ARL15: variants seen among roughly 807,000 people sequenced by gnomAD.
The protein encoded by ARL15 is ADP-ribosylation factor-like protein 15.
ARL15 carries 19 observed loss-of-function variants against 25.2 expected under a neutral mutation model. The observed-to-expected ratio is 0.75, with a 90% CI of 0.53 to 1.10. The LOEUF (loss-of-function observed/expected upper bound fraction) is 1.10, where lower values mean the gene tolerates loss of function less well. ARL15 is among the 50% of genes least tolerant of loss of function. The pLI is 0.00. For missense variants in ARL15, 220 were observed against 246.0 expected (o/e 0.89, Z 0.71); for synonymous variants, 94 against 86.8 (o/e 1.08, Z -0.46).
chr5:54,003,726 G>A (rs904096594), intron 4 of ARL15, among the ~76,000 whole-genome samples: 4 of 150,188 alleles, frequency 2.7e-5, no homozygotes, highest in Non-Finnish European at 4.4e-5. Context: ...CTCTACTTTG[G>A]CCTGGAATTA....
At chr5:53,920,743 T>C (rs1745828141) in intron 4 of ARL15, among the ~76,000 whole-genome samples, 3 of 152,300 alleles carry the variant, frequency 2.0e-5, no homozygotes, top group Middle Eastern at 6.8e-3. Flanking sequence ...CTTAGATAGC[T>C]AGTGCATAGC....
chr5:54,052,095 C>G (rs10074251), intron 4 of ARL15, among the ~76,000 whole-genome samples: 7 of 151,934 alleles, frequency 4.6e-5, no homozygotes, highest in Non-Finnish European at 8.8e-5. Context: ...AAAAATATAG[C>G]AGTCAAGGTC....
intron 1 of ARL15, among the ~76,000 whole-genome samples, chr5:54,244,870 G>A (rs1398303970): frequency 1.3e-5 from 2 of 151,372 alleles, no homozygotes; most frequent in Non-Finnish European, 2.9e-5. Flanking sequence ...GGTGTTTTCA[G>A]CATTTTTAAA....
chr5:54,134,928 T>G (rs147118600), intron 3 of ARL15, among the ~76,000 whole-genome samples: 392 of 152,256 alleles, frequency 2.6e-3, no homozygotes, highest in African/African-American at 8.8e-3. Context: ...GCAGGGAGCC[T>G]GAGATTAGCA....
intron 1 of ARL15, among the ~76,000 whole-genome samples, chr5:54,260,645 A>G (rs1408028926): frequency 6.6e-6 from 1 of 152,176 alleles, no homozygotes; most frequent in African/African-American, 2.4e-5. Context: ...ATTTGAAAAA[A>G]TTCTTTATAT....
chr5:54,231,661 A>G (rs980480914), intron 1 of ARL15, among the ~76,000 whole-genome samples: 1 of 152,134 alleles, frequency 6.6e-6, no homozygotes, highest in Non-Finnish European at 1.5e-5. Context: ...TGCAGGTCGG[A>G]AAGTCCAAGA....
intron 1 of ARL15, chr5:54,282,399 CTT>C (rs1758080761): frequency 1.0e-5 from 10 of 985,266 alleles, no homozygotes; most frequent in South Asian, 4.7e-5. Context: ...TCCCCTTGCT[CTT>C]GTTTCCCTCT....
intron 4 of ARL15, among the ~76,000 whole-genome samples, chr5:54,099,759 T>A (rs762065567): frequency 3.9e-5 from 6 of 152,088 alleles, no homozygotes; most frequent in Non-Finnish European, 7.4e-5. Context: ...TGAGTAAGAC[T>A]CTCTATGTGC....
At chr5:54,154,422 T>TAC in intron 3 of ARL15, 158 bp downstream of exon 3, 1 of 569,888 alleles carries the variant, frequency 1.8e-6, no homozygotes, top group Non-Finnish European at 3.0e-6. Flanking sequence ...TTTTAAAACA[T>TAC]ACGAAGAGAA....
At chr5:54,252,899 A>G (rs144490157) in intron 1 of ARL15, among the ~76,000 whole-genome samples, 392 of 151,922 alleles carry the variant, frequency 2.6e-3, no homozygotes, top group African/African-American at 7.8e-3. Context: ...AATGTTTTTT[A>G]TTTTTTGTAG....
At chr5:54,234,368 C>T (rs1451025222) in intron 1 of ARL15, among the ~76,000 whole-genome samples, 1 of 151,734 alleles carries the variant, frequency 6.6e-6, no homozygotes, top group Non-Finnish European at 1.5e-5. Flanking sequence ...TATCAATACC[C>T]ACATTAATAA....
chr5:53,986,500 A>G (rs867657042), intron 4 of ARL15, among the ~76,000 whole-genome samples: 1 of 152,204 alleles, frequency 6.6e-6, no homozygotes, highest in Non-Finnish European at 1.5e-5. Context: ...TCCACTCCAG[A>G]CATCGGATTA....
intron 3 of ARL15, among the ~76,000 whole-genome samples, chr5:54,129,739 T>C (rs1251891660): frequency 6.6e-6 from 1 of 152,196 alleles, no homozygotes; most frequent in Non-Finnish European, 1.5e-5. Context: ...TTACCAACAA[T>C]CCTGTCTAAT....
intron 4 of ARL15, among the ~76,000 whole-genome samples, chr5:53,914,137 C>CACACACACA (rs1745551429): frequency 6.7e-6 from 1 of 148,572 alleles, no homozygotes; most frequent in African/African-American, 2.5e-5. Flanking sequence ...GTGCACAGGC[C>CACACACACA]CACACACACA....
chr5:54,270,037 G>A (rs1212963133), intron 1 of ARL15, among the ~76,000 whole-genome samples: 2 of 152,062 alleles, frequency 1.3e-5, no homozygotes, highest in African/African-American at 2.4e-5. Context: ...TAAAATATAC[G>A]AAACCTGCTC....
chr5:54,192,987 C>T (rs1009586684), intron 1 of ARL15, among the ~76,000 whole-genome samples: 7 of 152,142 alleles, frequency 4.6e-5, no homozygotes, highest in Admixed American at 2.0e-4. Flanking sequence ...ACATGTTTCA[C>T]GTAGGACATT....
At chr5:54,304,723 A>G (rs1758711103) in intron 1 of ARL15, among the ~76,000 whole-genome samples, 1 of 152,224 alleles carries the variant, frequency 6.6e-6, no homozygotes, top group Non-Finnish European at 1.5e-5. Flanking sequence ...ATTTAATATG[A>G]CTGCCTAATC....
intron 1 of ARL15, among the ~76,000 whole-genome samples, chr5:54,248,036 T>G (rs1209665218): frequency 6.6e-6 from 1 of 151,820 alleles, no homozygotes; most frequent in African/African-American, 2.4e-5. Flanking sequence ...AAAAAAAAAT[T>G]AAGAACAATA....
At chr5:54,108,701 A>T (rs1579807646) in intron 4 of ARL15, among the ~76,000 whole-genome samples, 1 of 152,070 alleles carries the variant, frequency 6.6e-6, no homozygotes, top group African/African-American at 2.4e-5. Context: ...ATAGTTTATT[A>T]TCTAGAGACA....
Sources: allele counts gnomAD v4.1 joint callset (sites outside exome capture counted in the v4.1 genomes callset), GRCh38; gene constraint gnomAD v4.1.1; transcripts MANE v1.5; gene names NCBI Gene and HGNC (gene_info 2026-07-23, HGNC 2026-07-21).